OPCML: variants seen among roughly 807,000 people sequenced by gnomAD.
The protein encoded by OPCML is opioid binding protein/cell adhesion molecule like, also known as opioid-binding protein/cell adhesion molecule.
A neutral mutation model predicts 37.8 loss-of-function variants in OPCML; 13 were observed. The observed-to-expected ratio is 0.34, with a 90% CI of 0.22 to 0.55. The LOEUF (loss-of-function observed/expected upper bound fraction) is 0.55, where lower values mean the gene tolerates loss of function less well. Among genes scored for constraint, OPCML ranks in the 20% least tolerant of loss-of-function variants. OPCML has a pLI of 0.91. For missense variants in OPCML, 341 were observed against 435.6 expected (o/e 0.78, Z 1.93); for synonymous variants, 176 against 168.8 (o/e 1.04, Z -0.33).
chr11:133,304,954 C>A (rs916359812), intron 1 of OPCML, among the ~76,000 whole-genome samples: 1 of 151,816 alleles, frequency 6.6e-6, no homozygotes, highest in African/African-American at 2.4e-5. Context: ...GTAAAAAGAC[C>A]CACCTACACC....
intron 2 of OPCML, among the ~76,000 whole-genome samples, chr11:132,801,850 T>C (rs761094843): frequency 6.6e-6 from 1 of 152,216 alleles, no homozygotes; most frequent in South Asian, 2.1e-4. Flanking sequence ...TGAAAGATAA[T>C]GTCTGCCCTC....
chr11:132,523,518 C>T (rs992743575), intron 4 of OPCML, among the ~76,000 whole-genome samples: 2 of 146,248 alleles, frequency 1.4e-5, no homozygotes, highest in African/African-American at 2.4e-5. Flanking sequence ...AAATTAGAAG[C>T]AGATCAGAAG....
At chr11:133,140,982 A>AGACGAAGAC (rs1949799510) in intron 1 of OPCML, among the ~76,000 whole-genome samples, 1 of 4,032 alleles carries the variant, frequency 2.5e-4, no homozygotes, top group African/African-American at 4.1e-4. Flanking sequence ...AAGAAGAAGA[A>AGACGAAGAC]GAAGAAGAAG....
In OPCML at chr11:132,523,841, G is replaced by A. The variant is rs553321307; in HGVS notation, c.505+5220C>T. Among the ~76,000 whole-genome samples the A allele has an allele frequency of 5.7e-4, 87 of 152,320 alleles. 2 individuals are homozygous for A. The highest frequency in any genetic ancestry group is 5.4e-3 in the Admixed American group (83 of 15,300). On this transcript the variant is annotated intron_variant, in intron 4 of 7. Coordinates refer to ENST00000524381, the MANE Select transcript of OPCML (RefSeq NM_001012393.5). ...AAATAACTTGAGTAAATGCATAAAA[G>A]AGTCAGCTTTGGTTACCTGGAAAAT...
intron 1 of OPCML, among the ~76,000 whole-genome samples, chr11:133,382,365 C>T (rs1387511306): frequency 6.6e-6 from 1 of 152,180 alleles, no homozygotes; most frequent in Non-Finnish European, 1.5e-5. Context: ...ATGCAGTAAG[C>T]ATGTTTGACC....
chr11:132,806,094 T>A (rs1938990966), intron 2 of OPCML, among the ~76,000 whole-genome samples: 1 of 152,028 alleles, frequency 6.6e-6, no homozygotes, highest in East Asian at 1.9e-4. Flanking sequence ...CATATAAAAA[T>A]TTTAATAAAA....
intron 1 of OPCML, among the ~76,000 whole-genome samples, chr11:133,237,546 G>A (rs1940566522): frequency 6.6e-6 from 1 of 152,162 alleles, no homozygotes. Flanking sequence ...CACTTTTAGA[G>A]GACCAAATCA....
chr11:133,425,961 G>A (rs140556058), intron 1 of OPCML, among the ~76,000 whole-genome samples: 18 of 152,242 alleles, frequency 1.2e-4, no homozygotes, highest in African/African-American at 3.9e-4. Context: ...CTCTGGCAAT[G>A]TGGCAAATAT....
At chr11:132,728,793 T>A (rs1944974296) in intron 2 of OPCML, among the ~76,000 whole-genome samples, 1 of 152,210 alleles carries the variant, frequency 6.6e-6, no homozygotes, top group Admixed American at 6.5e-5. Context: ...ACATTCCTGA[T>A]GCCATGTGGA....
At chr11:133,207,463 A>G (rs1241305550) in intron 1 of OPCML, among the ~76,000 whole-genome samples, 1 of 152,132 alleles carries the variant, frequency 6.6e-6, no homozygotes, top group Non-Finnish European at 1.5e-5. Context: ...ATCCAGTTTA[A>G]AGGGTTTAAA....
Position 132,695,421 on chromosome 11 carries a change from G to T in OPCML, c.147-38102C>A, listed in dbSNP as rs531644507. On this transcript the variant is annotated intron_variant, in intron 2 of 7. Coordinates refer to ENST00000524381, the MANE Select transcript of OPCML (RefSeq NM_001012393.5). ...GGCAGGAGCAGTATTATGGCAATGT[G>T]CAATTCAAAGTGAGCCCTGGGCAAG... Among the ~76,000 whole-genome samples the T allele has an allele frequency of 2.1e-4, 32 of 152,288 alleles. No individual in the cohort carries two copies. The South Asian group carries it at 6.4e-3, about 31-fold the overall frequency.
intron 1 of OPCML, among the ~76,000 whole-genome samples, chr11:133,149,942 C>T (rs1474055045): frequency 6.6e-6 from 1 of 152,200 alleles, no homozygotes; most frequent in Non-Finnish European, 1.5e-5. Flanking sequence ...AGCACTTGTA[C>T]TCAGCACTGG....
At position 133,523,718 on chromosome 11, in the gene OPCML, C is replaced by A. The variant is rs572355397; in HGVS notation, c.61+8546G>T. 2.6e-5 allele frequency among the ~76,000 whole-genome samples: 4 copies of A among 152,322 alleles called. No homozygotes were observed. The South Asian group carries it at 8.3e-4, about 32-fold the overall frequency. The stretch of plus-strand genomic sequence containing the variant: ...GCTGCCAGCCTCATCTTGGCCCATG[C>A]TTTCTTCCTCTACACTCCAGTCAGG... On this transcript the variant is annotated intron_variant, in intron 1 of 7. Coordinates refer to ENST00000524381, the MANE Select transcript of OPCML (RefSeq NM_001012393.5).
chr11:133,150,536 C>T (rs918497316), intron 1 of OPCML, among the ~76,000 whole-genome samples: 1 of 152,154 alleles, frequency 6.6e-6, no homozygotes, highest in African/African-American at 2.4e-5. Context: ...CCGTATGCTG[C>T]CTTACAGTGT....
rs142281199 is a variant in OPCML at position 133,308,118 on chromosome 11, G to A, written c.61+224146C>T. Among the ~76,000 whole-genome samples the A allele has an allele frequency of 1.9e-3, 292 of 152,192 alleles. 5 individuals are homozygous for A. Among genetic ancestry groups the A allele is most frequent in the Middle Eastern group, 0.01 (3 of 294 alleles). ...GATATGGAGAATATTAAGCAGTAGA[G>A]CAATAGAATCTGATCTTTATTTTAA... On this transcript the variant is annotated intron_variant, in intron 1 of 7. Coordinates refer to ENST00000524381, the MANE Select transcript of OPCML (RefSeq NM_001012393.5).
intron 2 of OPCML, among the ~76,000 whole-genome samples, chr11:132,836,796 T>C (rs901614073): frequency 1.3e-5 from 2 of 151,908 alleles, no homozygotes; most frequent in Admixed American, 6.6e-5. Context: ...GTAAGGAAAA[T>C]CTAGACCACG....
chr11:133,453,407 C>A (rs1316151912), intron 1 of OPCML, among the ~76,000 whole-genome samples: 3 of 152,156 alleles, frequency 2.0e-5, no homozygotes, highest in Non-Finnish European at 4.4e-5. Flanking sequence ...GAAATAAAAG[C>A]ATTTGTAATT....
chr11:132,529,510 T>C (rs2096318034), intron 3 of OPCML, among the ~76,000 whole-genome samples: 2 of 152,122 alleles, frequency 1.3e-5, no homozygotes, highest in African/African-American at 4.8e-5. Context: ...GAGCTCCTGT[T>C]TATCCCCATG....
At chr11:133,031,711 T>A (rs1947677289) in intron 1 of OPCML, among the ~76,000 whole-genome samples, 1 of 152,126 alleles carries the variant, frequency 6.6e-6, no homozygotes, top group Non-Finnish European at 1.5e-5. Context: ...TGAGAGTTGC[T>A]GAGGGATACA....
Sources: gnomAD v4.1 joint callset for allele counts (sites outside exome capture counted in the v4.1 genomes callset) on GRCh38, gnomAD v4.1.1 for gene constraint, MANE v1.5 for transcripts, NCBI Gene and HGNC (gene_info 2026-07-23, HGNC 2026-07-21) for gene names.